The following GRM1 variants were observed in gnomAD, a reference collection of about 807,000 sequenced individuals.
GRM1 encodes glutamate metabotropic receptor 1.
A neutral mutation model predicts 90.9 loss-of-function variants in GRM1; 33 were observed. The ratio of observed to expected loss-of-function variants is 0.36; its 90% confidence interval spans 0.28 to 0.49. The LOEUF is 0.49. Ranked by LOEUF, GRM1 falls within the 20% of genes least tolerant of loss-of-function variation. The probability of loss-of-function intolerance (pLI) is 0.99; values close to 1 mark genes in which losing one functional copy is unlikely to be tolerated. For missense variants in GRM1, 1,190 were observed against 1,534.3 expected (o/e 0.78, Z 3.75); for synonymous variants, 700 against 613.2 (o/e 1.14, Z -2.09).
chr6:146,292,351 A>G (rs889887013), intron 2 of GRM1, among the ~76,000 whole-genome samples: 2 of 152,022 alleles, frequency 1.3e-5, no homozygotes, highest in African/African-American at 2.4e-5. Context: ...AAGTGAAAAG[A>G]CAACATACAG....
At chr6:146,174,795 T>C (rs925070098) in intron 2 of GRM1, among the ~76,000 whole-genome samples, 9 of 152,148 alleles carry the variant, frequency 5.9e-5, no homozygotes, top group African/African-American at 2.2e-4. Context: ...ATGCAAATGG[T>C]TTTCATCCAT....
chr6:146,093,066 T>C (rs181509379), intron 1 of GRM1, among the ~76,000 whole-genome samples: 38 of 152,230 alleles, frequency 2.5e-4, no homozygotes, highest in Admixed American at 1.7e-3. Flanking sequence ...TTCTCTAAGT[T>C]TTAGGTATAT....
In GRM1 at chr6:146,399,274, C is replaced by T; in HGVS notation, c.2235C>T (p.Ile745=). The part of the protein sequence containing the change: ...SYPSIKEVYL[I]CNTSNLGVVA... ...CAAGTATCAAGGAAGTCTACCTTAT[C>T]TGCAATACCAGCAACCTGGGTGTGG... Residue 745 remains isoleucine (I), a synonymous_variant, in exon 7 of 8, where the codon ATC becomes ATT. Coordinates refer to ENST00000282753, the MANE Select transcript of GRM1 (RefSeq NM_001278064.2). This position sits in a 1 kb window ranked among gnomAD's most constrained non-coding sequence, Gnocchi z 5.4. The T allele has an allele frequency of 6.2e-7, 1 of 1,614,142 alleles. No homozygotes were observed. The highest frequency in any genetic ancestry group is 8.5e-7 in the Non-Finnish European group (1 of 1,180,032).
At position 146,399,751 on chromosome 6, in the gene GRM1, T is replaced by TTCTCTC. The variant is rs57974513; in HGVS notation, c.2660+70_2660+75dup. 80 of 1,063,350 alleles carry TTCTCTC rather than the reference T, an allele frequency of 7.5e-5. No homozygotes were observed. Among genetic ancestry groups the TTCTCTC allele is most frequent in the Middle Eastern group, 5.8e-4 (2 of 3,462 alleles). 65.9% of individuals were successfully genotyped at this position (1,063,350 alleles called of 1,614,324 possible). On this transcript the variant is annotated intron_variant, in intron 7 of 7. Coordinates refer to ENST00000282753, the MANE Select transcript of GRM1 (RefSeq NM_001278064.2). The surrounding 1 kb of genome is among the most constrained non-coding windows in gnomAD (Gnocchi z 5.4). ...CTTTTCTCTTCCTTTCTCTGTCTCT[T>TTCTCTC]TCTCTCTCTCTCTCTCTCTCTCTTT...
At chr6:146,259,460 C>T (rs530121355) in intron 2 of GRM1, among the ~76,000 whole-genome samples, 6 of 152,274 alleles carry the variant, frequency 3.9e-5, no homozygotes, top group African/African-American at 1.4e-4. Context: ...AGCAACAACT[C>T]CTGTGCCCCG....
At chr6:146,415,794 T>G (rs77153519) in intron 7 of GRM1, among the ~76,000 whole-genome samples, 1,958 of 152,330 alleles carry the variant, frequency 0.013, 48 homozygotes, top group African/African-American at 0.045. Context: ...CTTATACTCT[T>G]AAGTTTGCTG....
chr6:146,263,903 G>A (rs149144985), intron 2 of GRM1, among the ~76,000 whole-genome samples: 131 of 152,188 alleles, frequency 8.6e-4, no homozygotes, highest in African/African-American at 3.1e-3. Context: ...GAGAGAATGC[G>A]TGCTAGTCTT....
intron 5 of GRM1, among the ~76,000 whole-genome samples, chr6:146,358,088 C>T (rs530773038): frequency 7.9e-5 from 12 of 152,294 alleles, no homozygotes; most frequent in African/African-American, 2.9e-4. Context: ...AAGCAAACAA[C>T]CAAAATACCA....
intron 2 of GRM1, among the ~76,000 whole-genome samples, chr6:146,291,341 T>G (rs1782974008): frequency 6.6e-6 from 1 of 151,154 alleles, no homozygotes; most frequent in South Asian, 2.1e-4. Context: ...GATAAATATA[T>G]CTTTTTGACA....
chr6:146,387,630 A>T (rs1776555874), intron 6 of GRM1, among the ~76,000 whole-genome samples: 1 of 152,124 alleles, frequency 6.6e-6, no homozygotes, highest in South Asian at 2.1e-4. Context: ...CCTAAAGTAG[A>T]ACACGGGAAA....
intron 7 of GRM1, among the ~76,000 whole-genome samples, chr6:146,414,489 C>T (rs922218731): frequency 5.3e-5 from 8 of 151,806 alleles, no homozygotes; most frequent in East Asian, 1.9e-4. Context: ...CTGCAAGCTC[C>T]GCCTCCGGGT....
At chr6:146,109,698 C>T (rs368715530) in intron 1 of GRM1, among the ~76,000 whole-genome samples, 3 of 152,182 alleles carry the variant, frequency 2.0e-5, no homozygotes, top group African/African-American at 7.2e-5. Context: ...CACCATGCAC[C>T]TGGAAAATCC....
intron 2 of GRM1, among the ~76,000 whole-genome samples, chr6:146,216,660 C>T (rs1779882445): frequency 6.6e-6 from 1 of 152,184 alleles, no homozygotes; most frequent in South Asian, 2.1e-4. Flanking sequence ...CTCGAAGGGG[C>T]AGCATTTAGC....
intron 1 of GRM1, among the ~76,000 whole-genome samples, chr6:146,117,153 TA>T (rs1179232505): frequency 1.3e-5 from 2 of 151,236 alleles, no homozygotes; most frequent in Non-Finnish European, 3.0e-5. Context: ...TTTATTTATT[TA>T]TTTATTTTTT....
At chr6:146,135,941 C>T (rs1239936313) in intron 1 of GRM1, among the ~76,000 whole-genome samples, 2 of 152,166 alleles carry the variant, frequency 1.3e-5, no homozygotes, top group African/African-American at 2.4e-5. Flanking sequence ...AACTACCCTT[C>T]CCAGCCTCTG....
chr6:146,167,424 A>C (rs1056680955), intron 2 of GRM1, among the ~76,000 whole-genome samples: 1 of 152,140 alleles, frequency 6.6e-6, no homozygotes, highest in African/African-American at 2.4e-5. Context: ...ATTATGGGTC[A>C]TAAGTGTGTG....
intron 1 of GRM1, among the ~76,000 whole-genome samples, chr6:146,037,439 T>A (rs569922085): frequency 6.6e-6 from 1 of 152,108 alleles, no homozygotes; most frequent in East Asian, 1.9e-4. Context: ...AAGCTAGGAC[T>A]AATTTAGCTT....
chr6:146,343,050 C>T (rs1346248197), intron 3 of GRM1, among the ~76,000 whole-genome samples: 2 of 151,816 alleles, frequency 1.3e-5, no homozygotes, highest in African/African-American at 2.4e-5. Flanking sequence ...CTTAGGCTTC[C>T]CTGGGCTGTG....
chr6:146,213,944 G>T (rs1411892821), intron 2 of GRM1, among the ~76,000 whole-genome samples: 2 of 152,140 alleles, frequency 1.3e-5, no homozygotes, highest in Non-Finnish European at 2.9e-5. Flanking sequence ...ATTGGTGTAA[G>T]TCCTGGAGTC....
Sources: gnomAD v4.1 joint callset for allele counts (sites outside exome capture counted in the v4.1 genomes callset) on GRCh38, gnomAD v4.1.1 for gene constraint, Gnocchi (gnomAD v3.1) non-coding constraint, MANE v1.5 for transcripts, NCBI Gene and HGNC (gene_info 2026-07-23, HGNC 2026-07-21) for gene names.